TTYH1: variants seen among roughly 807,000 people sequenced by gnomAD.
TTYH1 encodes tweety family member 1, also known as protein tweety homolog 1.
Under a neutral mutation model 61.2 loss-of-function variants are expected in TTYH1, and 33 were observed. That is an observed-to-expected ratio of 0.54 (90% CI 0.41 to 0.72). The LOEUF (loss-of-function observed/expected upper bound fraction) is 0.72, where lower values mean the gene tolerates loss of function less well. Ranked by LOEUF, TTYH1 falls within the 30% of genes least tolerant of loss-of-function variation. TTYH1 has a pLI of 0.00. For synonymous variants in TTYH1, 308 were observed against 266.4 expected (o/e 1.16, Z -1.52); for missense variants, 538 against 575.8 (o/e 0.93, Z 0.67).
chr19:54,419,586 T>C lies in TTYH1; in HGVS notation c.305+280T>C. 1.5e-6 allele frequency: 1 copy of C among 666,558 alleles called. No homozygotes were observed. The highest frequency in any genetic ancestry group is 2.8e-6 in the Non-Finnish European group (1 of 362,370). The allele number at this position is 666,558 out of a possible 1,614,324, so 41.3% of individuals were successfully genotyped here. A position where few individuals can be genotyped will look rare whatever the true frequency, so the allele number is the denominator to read the frequency against. ...AGTCAGATGGCCTGGTTTTGGTGGC[T>C]CTCCCATTGAATAGCTGTGTGACCT... On this transcript the variant is annotated intron_variant, in intron 2 of 13. Coordinates refer to ENST00000376530, the MANE Select transcript of TTYH1 (RefSeq NM_020659.4). This position sits in a 1 kb window ranked among gnomAD's most constrained non-coding sequence, Gnocchi z 6.1.
chr19:54,428,976 G>A (rs1367541415), intron 5 of TTYH1, among the ~76,000 whole-genome samples: 2 of 152,316 alleles, frequency 1.3e-5, no homozygotes, highest in East Asian at 3.9e-4. Context: ...GGCTGTGGGT[G>A]GACTTGGGGG....
At chr19:54,422,054 A>G (rs2083227274) in intron 3 of TTYH1, 136 bp from the exon 4 acceptor site, 1 of 680,536 alleles carries the variant, frequency 1.5e-6, no homozygotes, top group Admixed American at 2.9e-5. Context: ...CCCTTACTCA[A>G]TCCTCAGATG....
At chr19:54,423,078 C>T (rs568254315) in intron 4 of TTYH1, among the ~76,000 whole-genome samples, 20 of 152,154 alleles carry the variant, frequency 1.3e-4, no homozygotes, top group African/African-American at 3.6e-4. Flanking sequence ...TTCACACATG[C>T]GTTCATTCCT....
At chr19:54,424,767 T>C (rs545466243) in intron 4 of TTYH1, among the ~76,000 whole-genome samples, 1 of 152,270 alleles carries the variant, frequency 6.6e-6, no homozygotes, top group Admixed American at 6.5e-5. Context: ...GGGGAGCACT[T>C]GCGAGGCTGG....
rs764910461 is a variant in TTYH1 at position 54,429,296 on chromosome 19, C to A, written c.735-11C>A. The A allele has an allele frequency of 6.2e-7, 1 of 1,613,802 alleles. No individual in the cohort carries two copies. Among genetic ancestry groups the A allele is most frequent in the South Asian group, 1.1e-5 (1 of 91,064 alleles). ...AAGAACCCCGGGCTGATCCTCCCTC[C>A]CCCACTCTAGGATGACAGTCATGAG... On this transcript the variant is annotated splice_polypyrimidine_tract_variant and intron_variant, in intron 5 of 13. Transcript: ENST00000376530. This position sits in a 1 kb window ranked among gnomAD's most constrained non-coding sequence, Gnocchi z 5.1.
chr19:54,419,572 C>T lies in TTYH1; in HGVS notation c.305+266C>T, dbSNP rs1157478452. The T allele has an allele frequency of 1.5e-6, 1 of 679,734 alleles. No homozygotes were observed. Among genetic ancestry groups the T allele is most frequent in the Non-Finnish European group, 2.7e-6 (1 of 371,150 alleles). 42.1% of individuals were successfully genotyped at this position (679,734 alleles called of 1,614,324 possible). A position where few individuals can be genotyped will look rare whatever the true frequency, so the allele number is the denominator to read the frequency against. ...GAAGGCGCAGGGGCAGTCAGATGGCCTGGTTTTGGTGGCTCTCCCATTGAA... is the reference window on the plus strand; with the variant it reads ...GAAGGCGCAGGGGCAGTCAGATGGCTTGGTTTTGGTGGCTCTCCCATTGAA... On this transcript the variant is annotated intron_variant, in intron 2 of 13. Transcript: ENST00000376530. This position sits in a 1 kb window ranked among gnomAD's most constrained non-coding sequence, Gnocchi z 6.1.
At position 54,416,749 on chromosome 19, in the gene TTYH1, C is replaced by G; in HGVS notation, c.126+1071C>G. On this transcript the variant is annotated intron_variant, in intron 1 of 13. Coordinates refer to ENST00000376530, the MANE Select transcript of TTYH1 (RefSeq NM_020659.4). This position sits in a 1 kb window ranked among gnomAD's most constrained non-coding sequence, Gnocchi z 7.0. Reference sequence around the variant, plus strand: ...TTCCCCGCCTGCTCCTCGCCGCCCCCTCTCCCCACACACGGGGACCGCCGT... The same window carrying G: ...TTCCCCGCCTGCTCCTCGCCGCCCCGTCTCCCCACACACGGGGACCGCCGT... 3.1e-6 allele frequency: 4 copies of G among 1,291,888 alleles called. No homozygotes were observed. The African/African-American group carries it at 6.1e-5, about 20-fold the overall frequency. 80.0% of individuals were successfully genotyped at this position (1,291,888 alleles called of 1,614,324 possible).
At chr19:54,417,449 C>T (rs2083110636) in intron 1 of TTYH1, among the ~76,000 whole-genome samples, 1 of 151,850 alleles carries the variant, frequency 6.6e-6, no homozygotes, top group African/African-American at 2.4e-5. Flanking sequence ...ACTACTCCCG[C>T]TATGCACTCA....
At position 54,422,175 on chromosome 19, in the gene TTYH1, C is replaced by A; in HGVS notation, c.418-15C>A. On this transcript the variant is annotated splice_polypyrimidine_tract_variant and intron_variant, in intron 3 of 13. Coordinates refer to ENST00000376530, the MANE Select transcript of TTYH1 (RefSeq NM_020659.4). ...AGGATGTCCTTCCAGACCTCAGCCC[C>A]TGTCCTATCCCCAGGTGTTGGAGAC... The A allele has an allele frequency of 5.8e-6, 9 of 1,545,936 alleles. No individual in the cohort carries two copies. Among genetic ancestry groups the A allele is most frequent in the East Asian group, 2.4e-5 (1 of 41,876 alleles).
In TTYH1 at chr19:54,421,566, G is replaced by A. The variant is rs2083217826; in HGVS notation, c.417+178G>A. Among the ~76,000 whole-genome samples, 1 of 151,778 alleles carries A rather than the reference G, an allele frequency of 6.6e-6. No individual in the cohort carries two copies. Among genetic ancestry groups the A allele is most frequent in the African/African-American group, 2.4e-5 (1 of 41,318 alleles). ...GACTATCCACCCAACCCCCGACCCT[G>A]GCTGCAAATTGAGGACCTCACACAC... On this transcript the variant is annotated intron_variant, in intron 3 of 13. Transcript: ENST00000376530. The surrounding 1 kb of genome is among the most constrained non-coding windows in gnomAD (Gnocchi z 4.8).
In TTYH1 at chr19:54,435,645, T is replaced by C; in HGVS notation, c.1229T>C (p.Leu410Pro). 1.2e-6 allele frequency: 2 copies of C among 1,611,802 alleles called. No individual in the cohort carries two copies. Among genetic ancestry groups the C allele is most frequent in the Non-Finnish European group, 1.7e-6 (2 of 1,179,368 alleles). ...TCTGCAGGAGCGCTGGCCACTGCCC[T>C]CTGCAGCCTGCCCCGAGCCTGGGCC... ...LLSAGALATA[L>P]CSLPRAWALF... The change falls in exon 11 of 14, where the codon CTC becomes CCC. Residue 410 changes from leucine (L) to proline (P), a missense_variant. By Grantham distance (98) the Leu-to-Pro change is moderately conservative (BLOSUM62 -3). Around this residue, in one of 3 missense-constraint regions of TTYH1, gnomAD observed 378 missense variants for 401.2 expected, o/e 0.94. Coordinates refer to ENST00000376530, the MANE Select transcript of TTYH1 (RefSeq NM_020659.4).
Position 54,417,000 on chromosome 19 carries a change from A to T in TTYH1, c.126+1322A>T. The T allele has an allele frequency of 8.4e-7, 1 of 1,194,256 alleles. No homozygotes were observed. The highest frequency in any genetic ancestry group is 1.5e-5 in the South Asian group (1 of 67,242). 74.0% of individuals were successfully genotyped at this position (1,194,256 alleles called of 1,614,324 possible). ...CAGGGTGGCAGGGATGCGCGGGCAG[A>T]GCCCCACAGCCGAGGAGGGCAAGGG... On this transcript the variant is annotated intron_variant, in intron 1 of 13. Transcript: ENST00000376530. The surrounding 1 kb of genome is among the most constrained non-coding windows in gnomAD (Gnocchi z 7.0).
chr19:54,421,171 G>A lies in TTYH1; in HGVS notation c.306-106G>A, dbSNP rs1298262042. 1.1e-5 allele frequency: 8 copies of A among 720,826 alleles called. No individual in the cohort carries two copies. The highest frequency in any genetic ancestry group is 2.0e-5 in the Non-Finnish European group (8 of 407,826). The allele number at this position is 720,826 out of a possible 1,614,324, so 44.7% of individuals were successfully genotyped here. A position where few individuals can be genotyped will look rare whatever the true frequency, so the allele number is the denominator to read the frequency against. ...GGCCCAATGAGGTGGGGCTGAGATG[G>A]GAGGGGTGGATAAGAAGGCGAGGTG... On this transcript the variant is annotated intron_variant, in intron 2 of 13. Transcript: ENST00000376530. The surrounding 1 kb of genome is among the most constrained non-coding windows in gnomAD (Gnocchi z 4.8).
chr19:54,416,195 C>G lies in TTYH1; in HGVS notation c.126+517C>G. The G allele has an allele frequency of 1.6e-6, 1 of 642,444 alleles. No homozygotes were observed. The highest frequency in any genetic ancestry group is 7.2e-5 in the East Asian group (1 of 13,822). The allele number at this position is 642,444 out of a possible 1,614,324, so 39.8% of individuals were successfully genotyped here. ...GAAATGGGGAAGGGGGCTTCAGGGG[C>G]TGAGGACCAGGGCTGGAAAATGAAG... On this transcript the variant is annotated intron_variant, in intron 1 of 13. Coordinates refer to ENST00000376530, the MANE Select transcript of TTYH1 (RefSeq NM_020659.4). This position sits in a 1 kb window ranked among gnomAD's most constrained non-coding sequence, Gnocchi z 7.0.
chr19:54,427,496 C>T lies in TTYH1; in HGVS notation c.734+728C>T, dbSNP rs566914831. On this transcript the variant is annotated intron_variant, in intron 5 of 13. Coordinates refer to ENST00000376530, the MANE Select transcript of TTYH1 (RefSeq NM_020659.4). ...GCGGGCGCCTATAGTCCCAGCTACTCGGGAGGCTGAGGCAGGAGAATCGCT... is the reference window on the plus strand; with the variant it reads ...GCGGGCGCCTATAGTCCCAGCTACTTGGGAGGCTGAGGCAGGAGAATCGCT... Among the ~76,000 whole-genome samples the T allele has an allele frequency of 1.5e-3, 233 of 151,116 alleles. 1 individual carries two copies. Among genetic ancestry groups the T allele is most frequent in the Non-Finnish European group, 1.5e-3 (104 of 67,844 alleles).
At chr19:54,430,970 G>C in intron 9 of TTYH1, 65 bp downstream of exon 9, 1 of 1,571,720 alleles carries the variant, frequency 6.4e-7, no homozygotes, top group African/African-American at 1.4e-5. Context: ...GCGGGATGGA[G>C]CTGTGGGGCG....
chr19:54,435,819 A>G lies in TTYH1; in HGVS notation c.1269-9A>G. On this transcript the variant is annotated splice_polypyrimidine_tract_variant and intron_variant, in intron 11 of 13. Transcript: ENST00000376530. Reference sequence around the variant, plus strand: ...CCGCCTCTCTGCCATGCCCCGCATCAAACCCCAGTGACGACTACGATGACA... The same window carrying G: ...CCGCCTCTCTGCCATGCCCCGCATCGAACCCCAGTGACGACTACGATGACA... 1 of 1,613,750 alleles carries G rather than the reference A, an allele frequency of 6.2e-7. No homozygotes were observed. The highest frequency in any genetic ancestry group is 8.5e-7 in the Non-Finnish European group (1 of 1,179,932).
In TTYH1 at chr19:54,416,103, A is replaced by G; in HGVS notation, c.126+425A>G. The G allele has an allele frequency of 1.5e-6, 2 of 1,300,784 alleles. No homozygotes were observed. Among genetic ancestry groups the G allele is most frequent in the Non-Finnish European group, 2.0e-6 (2 of 985,912 alleles). 80.6% of individuals were successfully genotyped at this position (1,300,784 alleles called of 1,614,324 possible). On this transcript the variant is annotated intron_variant, in intron 1 of 13. Coordinates refer to ENST00000376530, the MANE Select transcript of TTYH1 (RefSeq NM_020659.4). This position sits in a 1 kb window ranked among gnomAD's most constrained non-coding sequence, Gnocchi z 7.0. ...CCAGATAAGGTGGGACCCAGGAGAC[A>G]GCGGACCTGATAACGGTGGCGGGGA...
chr19:54,415,899 A>C lies in TTYH1; in HGVS notation c.126+221A>C. On this transcript the variant is annotated intron_variant, in intron 1 of 13. Transcript: ENST00000376530. This position sits in a 1 kb window ranked among gnomAD's most constrained non-coding sequence, Gnocchi z 5.2. ...GTCCAGACCTCGAGCTCTCTAAATA[A>C]GGGAAGGCTGGGGACCTGCACCCCT... 1 of 779,088 alleles carries C rather than the reference A, an allele frequency of 1.3e-6. No homozygotes were observed. Among genetic ancestry groups the C allele is most frequent in the Non-Finnish European group, 2.0e-6 (1 of 510,802 alleles). 48.3% of individuals were successfully genotyped at this position (779,088 alleles called of 1,614,324 possible). A position where few individuals can be genotyped will look rare whatever the true frequency, so the allele number is the denominator to read the frequency against.
Sources: allele counts gnomAD v4.1 joint callset (sites outside exome capture counted in the v4.1 genomes callset), GRCh38; gene constraint gnomAD v4.1.1; regional missense constraint gnomAD v4.1.1; non-coding constraint Gnocchi (gnomAD v3.1); transcripts MANE v1.5; gene names NCBI Gene and HGNC (gene_info 2026-07-23, HGNC 2026-07-21).